The following PLAGL1 variants were observed in gnomAD, a reference collection of about 807,000 sequenced individuals.
PLAGL1 encodes zinc finger protein PLAGL1.
A neutral mutation model predicts 4.6 loss-of-function variants in PLAGL1; 1 was observed. The ratio of observed to expected loss-of-function variants is 0.22; its 90% CI spans 0.08 to 1.03. The LOEUF is 1.03. PLAGL1 is among the 50% of genes least tolerant of loss of function. The probability of loss-of-function intolerance (pLI) is 0.58; values close to 1 mark genes in which losing one functional copy is unlikely to be tolerated. For missense variants in PLAGL1, 464 were observed against 570.4 expected, an observed-to-expected ratio of 0.81 and a Z score of 1.90; for synonymous variants, 240 against 237.8, an observed-to-expected ratio of 1.01 and a Z score of -0.08.
rs554381348 is a variant in PLAGL1, at chr6:143,958,061, G to A, written c.-325+2408C>T. Among the ~76,000 whole-genome samples, 257 of 152,322 alleles carry A rather than the reference G, an allele frequency of 1.7e-3. 1 individual carries two copies. Among genetic ancestry groups the A allele is most frequent in the Non-Finnish European group, 2.9e-3 (199 of 68,026 alleles). ...CATAGGGCAATGTGGAACACGTGGT[G>A]CAGCCTGGCTGGGATGGGCAGGAGA... On this transcript the variant is annotated intron_variant, in intron 6 of 7. Coordinates refer to ENST00000674357, the MANE Select transcript of PLAGL1 (RefSeq NM_001317162.2). This position sits in a 1 kb window ranked among gnomAD's most constrained non-coding sequence, Gnocchi z 5.1.
Position 143,964,073 on chromosome 6 carries a change from C to A in PLAGL1, c.-399+714G>T, listed in dbSNP as rs188995044. The stretch of plus-strand genomic sequence containing the variant: ...GCCAAAATGACACTCTCCCTTCCAT[C>A]CCCCCATGGCCAACCCCCCATCCCA... On this transcript the variant is annotated intron_variant, in intron 5 of 7. Transcript: ENST00000674357. The surrounding 1 kb of genome is among the most constrained non-coding windows in gnomAD (Gnocchi z 4.3). Among the ~76,000 whole-genome samples, 1 of 151,982 alleles carries A rather than the reference C, an allele frequency of 6.6e-6. No homozygotes were observed. The highest frequency in any genetic ancestry group is 1.5e-5 in the Non-Finnish European group (1 of 67,986).
At chr6:144,040,318 C>T (rs1797625853) in intron 1 of PLAGL1, among the ~76,000 whole-genome samples, 1 of 151,098 alleles carries the variant, frequency 6.6e-6, no homozygotes. Context: ...CGCTTAAACC[C>T]GGGAGTTCAA....
chr6:143,985,897 A>AGG lies in PLAGL1; in HGVS notation c.-583-724_-583-723insCC, dbSNP rs1788920124. 7.1e-6 allele frequency among the ~76,000 whole-genome samples: 1 copy of AGG among 140,042 alleles called. No homozygotes were observed. The highest frequency in any genetic ancestry group is 1.5e-5 in the Non-Finnish European group (1 of 65,254). The allele number at this position is 140,042 out of a possible 152,430, so 91.9% of individuals were successfully genotyped here. A position where few individuals can be genotyped will look rare whatever the true frequency, so the allele number is the denominator to read the frequency against. On this transcript the variant is annotated intron_variant, in intron 1 of 7. Coordinates refer to ENST00000674357, the MANE Select transcript of PLAGL1 (RefSeq NM_001317162.2). This position sits in a 1 kb window ranked among gnomAD's most constrained non-coding sequence, Gnocchi z 4.4. ...GCCAAGCTACATATTATATATTATT[A>AGG]TGTGTGTGTGTGTGTGTGTGTATAC... is the stretch of plus-strand genomic sequence containing the variant.
chr6:144,021,560 C>T (rs916661179), intron 1 of PLAGL1, among the ~76,000 whole-genome samples: 1 of 152,132 alleles, frequency 6.6e-6, no homozygotes, highest in African/African-American at 2.4e-5. Context: ...ATTCTACATG[C>T]CAAATAGTTT....
At chr6:144,007,956 C>A (rs945915037) in intron 1 of PLAGL1, 134 bp downstream of exon 1, 2 of 151,976 alleles carry the variant, frequency 1.3e-5, no homozygotes, top group Admixed American at 6.6e-5. Context: ...GAGCCCGGAC[C>A]CGCACGTAGG....
At chr6:144,041,790 A>T (rs1363269363) in intron 1 of PLAGL1, among the ~76,000 whole-genome samples, 2 of 152,176 alleles carry the variant, frequency 1.3e-5, no homozygotes, top group South Asian at 2.1e-4. Context: ...GTACTAGTTT[A>T]CACTCCCAAC....
chr6:144,015,130 A>G lies in PLAGL1; in HGVS notation c.-150-46152T>C, dbSNP rs985598743. 6.6e-6 allele frequency among the ~76,000 whole-genome samples: 1 copy of G among 152,242 alleles called. No homozygotes were observed. The highest frequency in any genetic ancestry group is 1.5e-5 in the Non-Finnish European group (1 of 68,036). ...TATGACGTAGCTAGTTCAAACTGAA[A>G]TGTGCTACAAGTGTAAAATATACTC... On this transcript the variant is annotated intron_variant, in intron 1 of 3. Transcript: ENST00000437412. This position sits in a 1 kb window ranked among gnomAD's most constrained non-coding sequence, Gnocchi z 4.3.
intron 1 of PLAGL1, among the ~76,000 whole-genome samples, chr6:143,987,027 G>A (rs1202330131): frequency 6.6e-6 from 1 of 152,020 alleles, no homozygotes; most frequent in Non-Finnish European, 1.5e-5. Flanking sequence ...TTGACTTTCT[G>A]GGAGGGAAGT....
chr6:143,980,296 T>C (rs1436589573), intron 2 of PLAGL1, among the ~76,000 whole-genome samples: 2 of 152,056 alleles, frequency 1.3e-5, no homozygotes, highest in Non-Finnish European at 2.9e-5. Context: ...TTATTTTCTG[T>C]CCTCTCCCTC....
At chr6:143,993,323 C>A (rs1790896562) in intron 1 of PLAGL1, among the ~76,000 whole-genome samples, 1 of 116,598 alleles carries the variant, frequency 8.6e-6, no homozygotes, top group Non-Finnish European at 1.8e-5. Context: ...AAACAAAAAA[C>A]AAAACAAAAC....
Position 144,006,518 on chromosome 6 carries a change from T to C in PLAGL1, c.-584+1572A>G, listed in dbSNP as rs912952294. On this transcript the variant is annotated intron_variant, in intron 1 of 7. Coordinates refer to ENST00000674357, the MANE Select transcript of PLAGL1 (RefSeq NM_001317162.2). The surrounding 1 kb of genome is among the most constrained non-coding windows in gnomAD (Gnocchi z 4.3). ...ATACATGCATCCCTAAACAACAGCT[T>C]TGCTCCACCAGGTTCTGAATTTTAC... is the stretch of plus-strand genomic sequence containing the variant. 5 of 152,174 alleles carry C rather than the reference T, an allele frequency of 3.3e-5. No homozygotes were observed. Among genetic ancestry groups the C allele is most frequent in the African/African-American group, 9.6e-5 (4 of 41,458 alleles). The allele number at this position is 152,174 out of a possible 1,614,324, so 9.4% of individuals were successfully genotyped here.
chr6:144,050,126 T>G lies in PLAGL1; in HGVS notation c.-151+14342A>C, dbSNP rs1258099980. Among the ~76,000 whole-genome samples, 3 of 152,120 alleles carry G rather than the reference T, an allele frequency of 2.0e-5. No homozygotes were observed. Among genetic ancestry groups the G allele is most frequent in the Non-Finnish European group, 2.9e-5 (2 of 68,020 alleles). Reference sequence around the variant, plus strand: ...ATGAAAGCAAGTAAGGGTGCTTACTTTGAGTTTAACTCAAAATATTTATGT... The same window carrying G: ...ATGAAAGCAAGTAAGGGTGCTTACTGTGAGTTTAACTCAAAATATTTATGT... On this transcript the variant is annotated intron_variant, in intron 1 of 3. Transcript: ENST00000437412. The surrounding 1 kb of genome is among the most constrained non-coding windows in gnomAD (Gnocchi z 4.3).
At chr6:144,029,331 A>G (rs1796621066) in intron 1 of PLAGL1, among the ~76,000 whole-genome samples, 1 of 152,256 alleles carries the variant, frequency 6.6e-6, no homozygotes. Flanking sequence ...CTGTATGATA[A>G]GACATACCAT....
At position 143,950,408 on chromosome 6, in the gene PLAGL1, G is replaced by A. The variant is rs189647937; in HGVS notation, c.-324-1948C>T. 1.2e-3 allele frequency among the ~76,000 whole-genome samples: 187 copies of A among 152,176 alleles called. No homozygotes were observed. Among genetic ancestry groups the A allele is most frequent in the Middle Eastern group, 0.01 (3 of 294 alleles). On this transcript the variant is annotated intron_variant, in intron 6 of 7. Coordinates refer to ENST00000674357, the MANE Select transcript of PLAGL1 (RefSeq NM_001317162.2). This position sits in a 1 kb window ranked among gnomAD's most constrained non-coding sequence, Gnocchi z 6.3. The stretch of plus-strand genomic sequence containing the variant: ...TCACAAACAAAATAACTCCTTCTAG[G>A]AATTCTATTCCGCCTGCCGAGTTTG...
rs1418245903 is a variant in PLAGL1, at chr6:143,949,750, C to A, written c.-324-1290G>T. Among the ~76,000 whole-genome samples, 1 of 152,236 alleles carries A rather than the reference C, an allele frequency of 6.6e-6. No homozygotes were observed. Among genetic ancestry groups the A allele is most frequent in the Non-Finnish European group, 1.5e-5 (1 of 68,036 alleles). Reference sequence around the variant, plus strand: ...AACTTTGCCAGTAAGCAGGGCACTTCATGGTAAACTGACCAATTGCAGTGA... The same window carrying A: ...AACTTTGCCAGTAAGCAGGGCACTTAATGGTAAACTGACCAATTGCAGTGA... On this transcript the variant is annotated intron_variant, in intron 6 of 7. Coordinates refer to ENST00000674357, the MANE Select transcript of PLAGL1 (RefSeq NM_001317162.2). The surrounding 1 kb of genome is among the most constrained non-coding windows in gnomAD (Gnocchi z 5.3).
chr6:144,005,694 A>T lies in PLAGL1; in HGVS notation c.-584+2396T>A, dbSNP rs1794024472. Reference sequence around the variant, plus strand: ...GTTTAATATCTGCAAGTATATAACAAATATTTGTATCCAGAATGTTTTCCA... The same window carrying T: ...GTTTAATATCTGCAAGTATATAACATATATTTGTATCCAGAATGTTTTCCA... On this transcript the variant is annotated intron_variant, in intron 1 of 7. Coordinates refer to ENST00000674357, the MANE Select transcript of PLAGL1 (RefSeq NM_001317162.2). This position sits in a 1 kb window ranked among gnomAD's most constrained non-coding sequence, Gnocchi z 4.6. 1 of 152,142 alleles carries T rather than the reference A, an allele frequency of 6.6e-6. No homozygotes were observed. Among genetic ancestry groups the T allele is most frequent in the Non-Finnish European group, 1.5e-5 (1 of 67,986 alleles). 9.4% of individuals were successfully genotyped at this position (152,142 alleles called of 1,614,324 possible).
At chr6:143,956,229 G>A (rs1200791106) in intron 6 of PLAGL1, among the ~76,000 whole-genome samples, 1 of 152,208 alleles carries the variant, frequency 6.6e-6, no homozygotes, top group Non-Finnish European at 1.5e-5. Context: ...GGTCAAGTGG[G>A]CTAGCCCTGG....
chr6:144,007,085 C>T (rs1041216072), intron 1 of PLAGL1: 1 of 152,184 alleles, frequency 6.6e-6, no homozygotes, highest in Admixed American at 6.5e-5. Flanking sequence ...CATCGGACGT[C>T]GTCAACTTTT....
At position 143,961,206 on chromosome 6, in the gene PLAGL1, G is replaced by T. The variant is rs568008722; in HGVS notation, c.-398-664C>A. On this transcript the variant is annotated intron_variant, in intron 5 of 7. Transcript: ENST00000674357. The surrounding 1 kb of genome is among the most constrained non-coding windows in gnomAD (Gnocchi z 6.5). The stretch of plus-strand genomic sequence containing the variant: ...TCTACAGAAGCCAAGTCTACAGCCA[G>T]CTTTGTGCCACTGAACCCTGATGAG... The T allele has an allele frequency of 2.6e-5, 4 of 152,338 alleles. No individual in the cohort carries two copies. In the East Asian group the frequency reaches 7.7e-4, roughly 29 times the overall value. 9.4% of individuals were successfully genotyped at this position (152,338 alleles called of 1,614,324 possible).
Sources: allele counts gnomAD v4.1 joint callset (sites outside exome capture counted in the v4.1 genomes callset), GRCh38; gene constraint gnomAD v4.1.1; non-coding constraint Gnocchi (gnomAD v3.1); transcripts MANE v1.5; gene names NCBI Gene and HGNC (gene_info 2026-07-23, HGNC 2026-07-21).